Variants in ASXL2 observed in about 807,000 individuals in gnomAD.
ASXL2 encodes ASXL transcriptional regulator 2.
ASXL2 carries 23 observed loss-of-function variants against 122.0 expected under a neutral mutation model. That is an observed-to-expected ratio of 0.19 (90% CI 0.14 to 0.27). The LOEUF (loss-of-function observed/expected upper bound fraction) is 0.27, where lower values mean the gene tolerates loss of function less well. Among genes scored for constraint, ASXL2 ranks in the 10% least tolerant of loss-of-function variants. ASXL2 has a pLI of 1.00. For missense variants in ASXL2, 1,518 were observed against 1,713.8 expected (o/e 0.89, Z 2.02); for synonymous variants, 650 against 637.0 (o/e 1.02, Z -0.31).
Position 25,743,866 on chromosome 2 carries a change from G to A in ASXL2, c.2471C>T (p.Pro824Leu), listed in dbSNP as rs1261543038. 27 of 1,613,872 alleles carry A rather than the reference G, an allele frequency of 1.7e-5. No individual in the cohort carries two copies. Among genetic ancestry groups the A allele is most frequent in the South Asian group, 2.2e-5 (2 of 91,086 alleles). The change falls in exon 13 of 13, where the codon CCC becomes CTC. Residue 824 changes from proline to leucine, a missense_variant. This residue lies in a region of ASXL2 where 831 missense variants were observed against 833.1 expected (regional missense o/e 1.00). Transcript: ENST00000435504. ...TVASVSHPQG[P>L]SSCRQEKAPS... The stretch of plus-strand genomic sequence containing the variant: ...TGCTTTCTCCTGTCTGCAACTACTG[G>A]GCCCTTGTGGATGGCTGACAGAGGC...
intron 3 of ASXL2, among the ~76,000 whole-genome samples, chr2:25,826,625 A>G (rs2089381015): frequency 6.6e-6 from 1 of 152,158 alleles, no homozygotes; most frequent in Admixed American, 6.5e-5. Context: ...TATAAAATAC[A>G]GTTGTCAAAA....
chr2:25,828,281 G>A (rs1012708522), intron 3 of ASXL2, among the ~76,000 whole-genome samples: 1 of 151,820 alleles, frequency 6.6e-6, no homozygotes, highest in South Asian at 2.1e-4. Context: ...CGAGGCAGGT[G>A]GATCACGTGA....
intron 8 of ASXL2, among the ~76,000 whole-genome samples, chr2:25,762,805 G>A (rs2088277886): frequency 6.6e-6 from 1 of 151,830 alleles, no homozygotes; most frequent in Non-Finnish European, 1.5e-5. Flanking sequence ...ATGGGAGCCT[G>A]TCATTGGGTT....
chr2:25,876,058 A>G (rs2090007181), intron 1 of ASXL2, among the ~76,000 whole-genome samples: 1 of 152,126 alleles, frequency 6.6e-6, no homozygotes, highest in African/African-American at 2.4e-5. Context: ...CCCAAAATTA[A>G]GAGTGTTTTC....
intron 5 of ASXL2, among the ~76,000 whole-genome samples, chr2:25,776,008 T>A (rs1272923016): frequency 1.3e-5 from 2 of 152,226 alleles, no homozygotes; most frequent in East Asian, 3.8e-4. Flanking sequence ...GTTGTGTGAC[T>A]AGTGATTTAA....
intron 2 of ASXL2, among the ~76,000 whole-genome samples, chr2:25,839,021 CCCAATAAACAAAAT>C (rs1415902243): frequency 1.3e-5 from 2 of 152,236 alleles, no homozygotes; most frequent in South Asian, 2.1e-4. Flanking sequence ...CTTAAACAAA[CCCAATAAACAAAAT>C]CTCTACCCAA....
rs1470158893 is a variant in ASXL2, at chr2:25,735,135, CTT to C, written c.*6892_*6893del. 1 of 152,192 alleles carries C rather than the reference CTT, an allele frequency of 6.6e-6. No homozygotes were observed. The highest frequency in any genetic ancestry group is 1.5e-5 in the Non-Finnish European group (1 of 68,034). The allele number at this position is 152,192 out of a possible 1,614,324, so 9.4% of individuals were successfully genotyped here. A position where few individuals can be genotyped will look rare whatever the true frequency, so the allele number is the denominator to read the frequency against. On this transcript the variant is annotated 3_prime_UTR_variant, in exon 13 of 13. Coordinates refer to ENST00000435504, the MANE Select transcript of ASXL2 (RefSeq NM_018263.6). ...ATCTCCAAGTTGATCCTTTCTGGCTCTTTTCCTGGTTTCGCTTTTTCTTCCTG... is the reference window on the plus strand; with the variant it reads ...ATCTCCAAGTTGATCCTTTCTGGCTCTTCCTGGTTTCGCTTTTTCTTCCTG...
chr2:25,820,290 G>C (rs2089294087), intron 3 of ASXL2, among the ~76,000 whole-genome samples: 1 of 152,134 alleles, frequency 6.6e-6, no homozygotes, highest in African/African-American at 2.4e-5. Context: ...ACACAAATTA[G>C]ACAGATGTTA....
At chr2:25,836,951 T>C (rs2089518508) in intron 2 of ASXL2, among the ~76,000 whole-genome samples, 2 of 152,072 alleles carry the variant, frequency 1.3e-5, no homozygotes, top group Admixed American at 6.6e-5. Flanking sequence ...GAGAATAGGG[T>C]CTCAAGAACT....
chr2:25,829,289 TACACAC>T (rs148405440), intron 3 of ASXL2, among the ~76,000 whole-genome samples: 9 of 145,698 alleles, frequency 6.2e-5, no homozygotes, highest in South Asian at 2.2e-4. Context: ...CACATACACA[TACACAC>T]ACACACACAC....
chr2:25,845,275 G>C, intron 2 of ASXL2: 3 of 775,156 alleles, frequency 3.9e-6, no homozygotes, highest in Non-Finnish European at 6.3e-6. Flanking sequence ...TACCCTCTAA[G>C]AATTGGTTTT....
chr2:25,766,189 T>C (rs1255199578), intron 8 of ASXL2, among the ~76,000 whole-genome samples: 2 of 152,178 alleles, frequency 1.3e-5, no homozygotes, highest in Non-Finnish European at 2.9e-5. Context: ...ATTTTTCTTC[T>C]TTCTGGAGGC....
chr2:25,830,254 G>C (rs545396109), intron 3 of ASXL2, among the ~76,000 whole-genome samples: 13 of 152,280 alleles, frequency 8.5e-5, no homozygotes, highest in African/African-American at 2.9e-4. Flanking sequence ...AAAATATCCA[G>C]GGTTCAATGG....
At chr2:25,872,548 AG>A (rs1479111647) in intron 1 of ASXL2, among the ~76,000 whole-genome samples, 1 of 152,222 alleles carries the variant, frequency 6.6e-6, no homozygotes, top group East Asian at 1.9e-4. Context: ...CTGTTTACTT[AG>A]GGGAAAACAA....
At chr2:25,861,184 T>C (rs1278680554) in intron 1 of ASXL2, among the ~76,000 whole-genome samples, 2 of 152,168 alleles carry the variant, frequency 1.3e-5, no homozygotes, top group African/African-American at 4.8e-5. Flanking sequence ...AACCAAATGC[T>C]GCTTCCTGGA....
At chr2:25,766,028 T>C (rs978694665) in intron 8 of ASXL2, among the ~76,000 whole-genome samples, 2 of 152,212 alleles carry the variant, frequency 1.3e-5, no homozygotes, top group Non-Finnish European at 2.9e-5. Context: ...TAAATTATTG[T>C]TAATTCTGTT....
At chr2:25,864,691 T>A (rs2149201484) in intron 1 of ASXL2, among the ~76,000 whole-genome samples, 1 of 152,004 alleles carries the variant, frequency 6.6e-6, no homozygotes, top group East Asian at 1.9e-4. Flanking sequence ...TTCTCAGGGG[T>A]CACACTGTAC....
At chr2:25,803,051 G>A (rs2149172862) in intron 4 of ASXL2, among the ~76,000 whole-genome samples, 1 of 152,322 alleles carries the variant, frequency 6.6e-6, no homozygotes, top group South Asian at 2.1e-4. Context: ...AGAACTGCTT[G>A]AACCCGGGAG....
intron 12 of ASXL2, among the ~76,000 whole-genome samples, chr2:25,746,291 C>T (rs1230200507): frequency 6.6e-6 from 1 of 152,042 alleles, no homozygotes; most frequent in East Asian, 1.9e-4. Context: ...AAGTTAGAGC[C>T]ATGGGACTTC....
Sources: allele counts gnomAD v4.1 joint callset (sites outside exome capture counted in the v4.1 genomes callset), GRCh38; gene constraint gnomAD v4.1.1; regional missense constraint gnomAD v4.1.1; transcripts MANE v1.5; gene names NCBI Gene and HGNC (gene_info 2026-07-23, HGNC 2026-07-21).